USF3: variants seen among roughly 807,000 people sequenced by gnomAD.
The protein encoded by USF3 is upstream transcription factor family member 3.
A neutral mutation model predicts 157.5 loss-of-function variants in USF3; 29 were observed. The observed-to-expected ratio is 0.18, with a 90% CI of 0.14 to 0.25. USF3 has a LOEUF of 0.25. Among genes scored for constraint, USF3 ranks in the 10% least tolerant of loss-of-function variants. USF3 has a pLI of 1.00. For synonymous variants in USF3, 893 were observed against 941.4 expected (o/e 0.95, Z 0.94); for missense variants, 2,381 against 2,667.6 (o/e 0.89, Z 2.37).
Position 113,660,031 on chromosome 3 carries a change from T to C in USF3, c.1651A>G (p.Asn551Asp). 1 of 1,614,148 alleles carries C rather than the reference T, an allele frequency of 6.2e-7. No individual in the cohort carries two copies. Among genetic ancestry groups the C allele is most frequent in the East Asian group, 2.2e-5 (1 of 44,884 alleles). The change falls in exon 7 of 7, where the codon AAT becomes GAT. Residue 551 changes from asparagine (N) to aspartate (D), a missense_variant. Physicochemically the swap from Asn to Asp is conservative, Grantham distance 23. This residue lies in a region of USF3 where 1,435 missense variants were observed against 1,550.9 expected (regional missense o/e 0.93). Transcript: ENST00000316407. The part of the protein sequence containing the change: ...SAVNSAPTNQ[N>D]VIILQPPSTT... ...CTAGGTGGCTGAAGAATTATAACAT[T>C]TTGATTAGTTGGAGCTGAATTAACA... is the stretch of plus-strand genomic sequence containing the variant.
At chr3:113,682,781 T>G (rs775328980) in intron 1 of USF3, among the ~76,000 whole-genome samples, 4 of 152,184 alleles carry the variant, frequency 2.6e-5, no homozygotes, top group Non-Finnish European at 5.9e-5. Context: ...TTGCTTTTAT[T>G]TTGGTTTCCA....
chr3:113,658,894 C>T lies in USF3; in HGVS notation c.2788G>A (p.Ala930Thr). Residue 930 changes from alanine (A) to threonine (T), a missense_variant, in exon 7 of 7, where the codon GCA becomes ACA. By Grantham distance (58) the Ala-to-Thr change is moderately conservative. This residue lies in a region of USF3 where 1,435 missense variants were observed against 1,550.9 expected (regional missense o/e 0.93). Transcript: ENST00000316407. ...TSQDKPPSSL[A>T]LSDAAKPCAS... The stretch of plus-strand genomic sequence containing the variant: ...CAGGGTTTGGCAGCATCTGATAATG[C>T]TAAACTACTTGGTGGTTTATCCTGA... 1 of 1,614,172 alleles carries T rather than the reference C, an allele frequency of 6.2e-7. No individual in the cohort carries two copies. Among genetic ancestry groups the T allele is most frequent in the Non-Finnish European group, 8.5e-7 (1 of 1,180,026 alleles).
intron 1 of USF3, among the ~76,000 whole-genome samples, chr3:113,681,609 C>T (rs573460365): frequency 1.4e-3 from 202 of 144,052 alleles, no homozygotes; most frequent in Non-Finnish European, 2.2e-3. Flanking sequence ...ACCATGTTGG[C>T]CAGGCTGGTC....
At position 113,651,280 on chromosome 3, in the gene USF3, T is replaced by C. The variant is rs1947256473; in HGVS notation, c.*3664A>G. 6.6e-6 allele frequency: 1 copy of C among 152,200 alleles called. No homozygotes were observed. Among genetic ancestry groups the C allele is most frequent in the Non-Finnish European group, 1.5e-5 (1 of 68,040 alleles). 9.4% of individuals were successfully genotyped at this position (152,200 alleles called of 1,614,324 possible). A position where few individuals can be genotyped will look rare whatever the true frequency, so the allele number is the denominator to read the frequency against. ...CAGAAGTTAAAAAATTTAAATCAAT[T>C]CTGAACTAATTTTGTTTCAAGAAAT... On this transcript the variant is annotated 3_prime_UTR_variant, in exon 7 of 7. Transcript: ENST00000316407.
rs374135471 is a variant in USF3, at chr3:113,664,038, TTAC to T, written c.256+272_256+274del. 2.2e-3 allele frequency among the ~76,000 whole-genome samples: 335 copies of T among 152,286 alleles called. 2 individuals carry two copies. The highest frequency in any genetic ancestry group is 7.3e-3 in the African/African-American group (305 of 41,546). The stretch of plus-strand genomic sequence containing the variant: ...CAATTGGAATAAAGGAGATTTAGCA[TTAC>T]TAGTATCATGAGTTAGGCAAACATG... On this transcript the variant is annotated intron_variant, in intron 6 of 6. Transcript: ENST00000316407.
At chr3:113,679,068 C>T (rs1042169632) in intron 1 of USF3, among the ~76,000 whole-genome samples, 7 of 151,144 alleles carry the variant, frequency 4.6e-5, no homozygotes, top group African/African-American at 7.3e-5. Flanking sequence ...GCGATCCTCC[C>T]GCCGCAGTCT....
At position 113,649,908 on chromosome 3, in the gene USF3, T is replaced by C; in HGVS notation, c.*5036A>G. The stretch of plus-strand genomic sequence containing the variant: ...TAGTTAAATCCAAAAAAGGCCCTTT[T>C]CTTTCAAACCCTGGGGAAAGAAAAA... On this transcript the variant is annotated 3_prime_UTR_variant, in exon 7 of 7. Transcript: ENST00000316407. The C allele has an allele frequency of 2.9e-6, 2 of 699,610 alleles. No individual in the cohort carries two copies. The highest frequency in any genetic ancestry group is 5.4e-5 in the East Asian group (2 of 37,232). 43.3% of individuals were successfully genotyped at this position (699,610 alleles called of 1,614,324 possible).
At chr3:113,689,790 G>C (rs1707644313) in intron 1 of USF3, among the ~76,000 whole-genome samples, 1 of 152,176 alleles carries the variant, frequency 6.6e-6, no homozygotes, top group African/African-American at 2.4e-5. Flanking sequence ...CCTCTTGGCA[G>C]GATTTGAGGC....
chr3:113,682,310 G>A (rs947159847), intron 1 of USF3, among the ~76,000 whole-genome samples: 1 of 151,512 alleles, frequency 6.6e-6, no homozygotes, highest in Non-Finnish European at 1.5e-5. Flanking sequence ...GGGAGACAGA[G>A]TGAGACCCTG....
chr3:113,660,676 C>T lies in USF3; in HGVS notation c.1006G>A (p.Val336Ile). 1.2e-6 allele frequency: 2 copies of T among 1,614,180 alleles called. No homozygotes were observed. The highest frequency in any genetic ancestry group is 1.7e-6 in the Non-Finnish European group (2 of 1,180,038). Reference protein sequence around the residue: ...DFRGDFQNTFVVSVTTTVCSQ... With the variant: ...DFRGDFQNTFIVSVTTTVCSQ... ...CAGACTGTGGTGGTAACTGAAACAA[C>T]AAAAGTGTTTTGAAAATCACCTCTG... The change falls in exon 7 of 7, where the codon GTT (valine) becomes ATT (isoleucine). Residue 336 changes from valine to isoleucine, a missense_variant. Coordinates refer to ENST00000316407, the MANE Select transcript of USF3 (RefSeq NM_001009899.4).
At chr3:113,672,598 T>C (rs763315805) in intron 4 of USF3, among the ~76,000 whole-genome samples, 1 of 152,174 alleles carries the variant, frequency 6.6e-6, no homozygotes, top group Non-Finnish European at 1.5e-5. Context: ...GAGTAGATTT[T>C]GTAATGCATG....
intron 5 of USF3, among the ~76,000 whole-genome samples, chr3:113,669,481 A>G (rs1199742435): frequency 6.6e-6 from 1 of 152,162 alleles, no homozygotes; most frequent in Non-Finnish European, 1.5e-5. Context: ...TTACAACATT[A>G]TAATAGTGAT....
chr3:113,657,310 G>A lies in USF3; in HGVS notation c.4372C>T (p.Leu1458Phe), dbSNP rs1043049886. ...QGVSHLHSNH[L>F]YIKQQQQQQQ... ...TGCTGCTGCTGCTGCTTTATGTAGA[G>A]ATGGTTACTATGAAGGTGAGATACA... Residue 1458 changes from leucine to phenylalanine, a missense_variant, in exon 7 of 7, where the codon CTC becomes TTC. Physicochemically the swap from Leu to Phe is conservative, Grantham distance 22. Coordinates refer to ENST00000316407, the MANE Select transcript of USF3 (RefSeq NM_001009899.4). The A allele has an allele frequency of 6.2e-7, 1 of 1,613,068 alleles. No individual in the cohort carries two copies. The highest frequency in any genetic ancestry group is 1.3e-5 in the African/African-American group (1 of 74,914).
Position 113,655,441 on chromosome 3 carries a change from C to T in USF3, c.6241G>A (p.Ala2081Thr). 2.5e-6 allele frequency: 4 copies of T among 1,614,080 alleles called. No individual in the cohort carries two copies. The highest frequency in any genetic ancestry group is 3.4e-6 in the Non-Finnish European group (4 of 1,180,012). ...TGAGTAACCTGTGGAATGAAAGAAG[C>T]ATTAGCATTTATTGGTGGATTCATG... is the stretch of plus-strand genomic sequence containing the variant. ...GGMNPPINAN[A>T]SFIPQVTQPS... Residue 2081 changes from alanine (A) to threonine (T), a missense_variant, in exon 7 of 7, where the codon GCT becomes ACT. Physicochemically the swap from Ala to Thr is moderately conservative, Grantham distance 58. Coordinates refer to ENST00000316407, the MANE Select transcript of USF3 (RefSeq NM_001009899.4).
chr3:113,675,440 T>G (rs908173089), intron 2 of USF3, among the ~76,000 whole-genome samples: 13 of 152,354 alleles, frequency 8.5e-5, no homozygotes, highest in African/African-American at 3.1e-4. Flanking sequence ...ATATTATCAT[T>G]TGACTGTCAT....
chr3:113,674,866 T>C lies in USF3; in HGVS notation c.13A>G (p.Thr5Ala). Residue 5 changes from threonine (T) to alanine (A), a missense_variant, in exon 3 of 7, where the codon ACA becomes GCA. Physicochemically the swap from Thr to Ala is moderately conservative, Grantham distance 58. Transcript: ENST00000316407. MPEMTENETPTKKQH... is the reference protein window; with the variant it reads MPEMAENETPTKKQH... Reference sequence around the variant, plus strand: ...TTTTTTGTAGGCGTCTCATTCTCTGTCATTTCTGGCATGGTTACAGTAATA... The same window carrying C: ...TTTTTTGTAGGCGTCTCATTCTCTGCCATTTCTGGCATGGTTACAGTAATA... 1.2e-6 allele frequency: 2 copies of C among 1,613,320 alleles called. No individual in the cohort carries two copies. The highest frequency in any genetic ancestry group is 1.7e-6 in the Non-Finnish European group (2 of 1,179,288).
intron 4 of USF3, 144 bp downstream of exon 4, chr3:113,673,204 A>C: frequency 1.6e-6 from 1 of 621,774 alleles, no homozygotes; most frequent in Admixed American, 3.2e-5. Flanking sequence ...GTATTTTGTC[A>C]ATAAAAAACA....
chr3:113,688,397 C>A (rs536849403), intron 1 of USF3, among the ~76,000 whole-genome samples: 1 of 152,322 alleles, frequency 6.6e-6, no homozygotes, highest in South Asian at 2.1e-4. Flanking sequence ...GGATTATAGG[C>A]ATGAGCCACT....
In USF3 at chr3:113,654,754, A is replaced by G; in HGVS notation, c.*190T>C. 1.7e-6 allele frequency: 1 copy of G among 574,392 alleles called. No homozygotes were observed. Among genetic ancestry groups the G allele is most frequent in the Non-Finnish European group, 2.9e-6 (1 of 340,168 alleles). The allele number at this position is 574,392 out of a possible 1,614,324, so 35.6% of individuals were successfully genotyped here. A position where few individuals can be genotyped will look rare whatever the true frequency, so the allele number is the denominator to read the frequency against. On this transcript the variant is annotated 3_prime_UTR_variant, in exon 7 of 7. Transcript: ENST00000316407. ...AAAGTACACCATGCAGTTGAAAACGAAAGATAACTTGTTTTCTGACAACCC... is the reference window on the plus strand; with the variant it reads ...AAAGTACACCATGCAGTTGAAAACGGAAGATAACTTGTTTTCTGACAACCC...
Sources: gnomAD v4.1 joint callset for allele counts (sites outside exome capture counted in the v4.1 genomes callset) on GRCh38, gnomAD v4.1.1 for gene constraint, gnomAD v4.1.1 regional missense constraint, MANE v1.5 for transcripts, NCBI Gene and HGNC (gene_info 2026-07-23, HGNC 2026-07-21) for gene names.